DHX34: variants seen among roughly 807,000 people sequenced by gnomAD.
The protein encoded by DHX34 is DExH-box helicase 34.
Under a neutral mutation model 111.1 loss-of-function variants are expected in DHX34, and 96 were observed. The ratio of observed to expected loss-of-function variants is 0.86; its 90% CI spans 0.73 to 1.02. The LOEUF is 1.02. Ranked by LOEUF, DHX34 falls within the 50% of genes least tolerant of loss-of-function variation. DHX34 has a pLI of 0.00. For missense variants in DHX34, 1,560 were observed against 1,579.9 expected (o/e 0.99, Z 0.21); for synonymous variants, 688 against 670.4 (o/e 1.03, Z -0.41).
rs367724640 is a variant in DHX34, at chr19:47,377,249, G to A, written c.2706+43G>A. The A allele has an allele frequency of 3.2e-6, 5 of 1,579,244 alleles. No homozygotes were observed. In the Admixed American group the frequency reaches 7.2e-5, roughly 23 times the overall value. On this transcript the variant is annotated intron_variant, in intron 13 of 16. Coordinates refer to ENST00000328771, the MANE Select transcript of DHX34 (RefSeq NM_014681.6). ...CCCGCCCCCATGCCCAGATATGAGA[G>A]CTGCGTTGCCCAGGGTGGTGGGTGG...
chr19:47,376,533 G>C lies in DHX34; in HGVS notation c.2572G>C (p.Glu858Gln), dbSNP rs779976532. The C allele has an allele frequency of 3.8e-6, 6 of 1,578,066 alleles. No individual in the cohort carries two copies. In the South Asian group the frequency reaches 6.9e-5, roughly 18 times the overall value. ...CGAGGTGCTGCACGCACAGGAGCTG[G>C]AGGCCAGCAACTGCGACGGAAGCCG... ...SPEVLHAQEL[E>Q]ASNCDGSRDD... The change falls in exon 12 of 17, where the codon GAG (glutamate) becomes CAG (glutamine). Residue 858 changes from glutamate to glutamine, a missense_variant. By Grantham distance (29) the Glu-to-Gln change is conservative. Transcript: ENST00000328771.
At chr19:47,360,595 C>T (rs951346640) in intron 5 of DHX34, among the ~76,000 whole-genome samples, 1 of 152,142 alleles carries the variant, frequency 6.6e-6, no homozygotes, top group Non-Finnish European at 1.5e-5. Context: ...GAGGCCCATA[C>T]TGTCCACTCT....
In DHX34 at chr19:47,380,876, C is replaced by T. The variant is rs1970330982; in HGVS notation, c.3043C>T (p.Gln1015Ter). ...AGTCCAGAACATGTATGTGGGACCCCAGACCATCCCAGCCACCCCCCATCT... is the reference window on the plus strand; with the variant it reads ...AGTCCAGAACATGTATGTGGGACCCTAGACCATCCCAGCCACCCCCCATCT... ...LEVQNMYVGP[Q>*]TIPATPHLPG... Residue 1015 changes from glutamine (Q) to a stop codon, truncating the protein, a stop_gained, in exon 15 of 17, where the codon CAG (glutamine) becomes TAG (stop). Transcript: ENST00000328771. LOFTEE classifies it high-confidence loss of function. 10 of 1,613,838 alleles carry T rather than the reference C, an allele frequency of 6.2e-6. No homozygotes were observed. Among genetic ancestry groups the T allele is most frequent in the African/African-American group, 1.3e-5 (1 of 74,880 alleles).
At position 47,358,039 on chromosome 19, in the gene DHX34, T is replaced by G; in HGVS notation, c.1191T>G (p.Ala397=). 6.2e-7 allele frequency: 1 copy of G among 1,613,220 alleles called. No homozygotes were observed. Among genetic ancestry groups the G allele is most frequent in the Non-Finnish European group, 8.5e-7 (1 of 1,179,992 alleles). The part of the protein sequence containing the change: ...GMAEISAVLE[A]AQTYASHTQR... The stretch of plus-strand genomic sequence containing the variant: ...CGGAGATCAGCGCCGTGCTGGAGGC[T>G]GCCCAGACCTATGCCAGCCACACCC... Residue 397 remains alanine (A), a synonymous_variant, in exon 4 of 17, where the codon GCT becomes GCG. Transcript: ENST00000328771.
In DHX34 at chr19:47,357,766, G is replaced by A. The variant is rs185598772; in HGVS notation, c.1018-100G>A. 142 of 1,483,348 alleles carry A rather than the reference G, an allele frequency of 9.6e-5. No individual in the cohort carries two copies. The East Asian group carries it at 1.1e-3, about 11-fold the overall frequency. The allele number at this position is 1,483,348 out of a possible 1,614,324, so 91.9% of individuals were successfully genotyped here. On this transcript the variant is annotated intron_variant, in intron 3 of 16. Transcript: ENST00000328771. ...GGACCCGTTGCACTGTGTCTTCTCC[G>A]TTAGCCTGTGGTCTCCCCCGTCAGC...
chr19:47,364,230 C>T (rs1969721396), intron 6 of DHX34, among the ~76,000 whole-genome samples: 1 of 152,118 alleles, frequency 6.6e-6, no homozygotes, highest in African/African-American at 2.4e-5. Context: ...GCACTCACCA[C>T]TCCTGGTCAG....
At chr19:47,363,645 A>G (rs913187765) in intron 6 of DHX34, among the ~76,000 whole-genome samples, 2 of 151,876 alleles carry the variant, frequency 1.3e-5, no homozygotes, top group Non-Finnish European at 2.9e-5. Flanking sequence ...TGGTGAAACC[A>G]GTCTCTATTA....
intron 3 of DHX34, among the ~76,000 whole-genome samples, chr19:47,356,707 A>C (rs1165869260): frequency 6.6e-6 from 1 of 151,734 alleles, no homozygotes; most frequent in Admixed American, 6.6e-5. Flanking sequence ...TAATCCCAGC[A>C]CTTTAGGAGG....
At chr19:47,375,251 G>T in intron 9 of DHX34, 1 of 982,324 alleles carries the variant, frequency 1.0e-6, no homozygotes, top group Non-Finnish European at 1.2e-6. Flanking sequence ...GCCCGCACCT[G>T]CCTCCTCTTG....
At chr19:47,355,013 C>T (rs1568394053) in intron 2 of DHX34, 26 bp from the exon 3 acceptor site, 1 of 1,610,666 alleles carries the variant, frequency 6.2e-7, no homozygotes, top group Non-Finnish European at 8.5e-7. Context: ...GGGTCCTCTC[C>T]TGATCCTTTC....
At chr19:47,381,817 C>A (rs1039873603) in intron 16 of DHX34, 163 bp from the exon 17 acceptor site, 1 of 966,160 alleles carries the variant, frequency 1.0e-6, no homozygotes, top group African/African-American at 1.8e-5. Context: ...AAAGACAGAC[C>A]TGTGTATTTT....
rs1395864638 is a variant in DHX34, at chr19:47,380,950, G to A, written c.3117G>A (p.Gly1039=). 5.6e-6 allele frequency: 9 copies of A among 1,600,008 alleles called. No homozygotes were observed. The highest frequency in any genetic ancestry group is 6.8e-6 in the Non-Finnish European group (8 of 1,173,960). ...SSTLSPHPTK[G]GYAVTDFLTY... is the part of the protein sequence containing the mutation. ...CCCTGTCCCCCCACCCCACAAAGGG[G>A]GGCTACGCAGTCACTGACTTCCTCA... Residue 1039 remains glycine, a synonymous_variant, in exon 15 of 17, where the codon GGG becomes GGA. Coordinates refer to ENST00000328771, the MANE Select transcript of DHX34 (RefSeq NM_014681.6).
rs1270480902 is a variant in DHX34 at position 47,379,809 on chromosome 19, G to A, written c.2806G>A (p.Ala936Thr). The change falls in exon 14 of 17, where the codon GCC becomes ACC. Residue 936 changes from alanine to threonine, a missense_variant. Transcript: ENST00000328771. ...LELQLADSES[A>T]IRLLAASLRL... Reference sequence around the variant, plus strand: ...GCTGCAGCTAGCAGACAGTGAAAGTGCCATCCGACTCCTGGCGGCTTCCCT... The same window carrying A: ...GCTGCAGCTAGCAGACAGTGAAAGTACCATCCGACTCCTGGCGGCTTCCCT... 6.2e-7 allele frequency: 1 copy of A among 1,613,702 alleles called. No individual in the cohort carries two copies. Among genetic ancestry groups the A allele is most frequent in the Non-Finnish European group, 8.5e-7 (1 of 1,179,830 alleles).
intron 7 of DHX34, among the ~76,000 whole-genome samples, 200 bp downstream of exon 7, chr19:47,367,355 A>G (rs1412981288): frequency 6.6e-6 from 1 of 152,144 alleles, no homozygotes; most frequent in Non-Finnish European, 1.5e-5. Context: ...GGCCTCAGGG[A>G]GCTGACATTT....
chr19:47,356,685 G>C (rs1031647869), intron 3 of DHX34, among the ~76,000 whole-genome samples: 2 of 151,848 alleles, frequency 1.3e-5, no homozygotes, highest in Non-Finnish European at 1.5e-5. Flanking sequence ...CGAGTGTGGT[G>C]GCTCATGCCT....
rs372083981 is a variant in DHX34 at position 47,353,139 on chromosome 19, C to T, written c.109C>T (p.Arg37Cys). Reference sequence around the variant, plus strand: ...GGACTGGAATTGTCCAGAGACGCGTCGCCTCTTGGAAGATGCCTTCTTCCG... The same window carrying T: ...GGACTGGAATTGTCCAGAGACGCGTTGCCTCTTGGAAGATGCCTTCTTCCG... ...KWDWNCPETR[R>C]LLEDAFFREE... The change falls in exon 2 of 17, where the codon CGC (arginine) becomes TGC (cysteine). Residue 37 changes from arginine to cysteine, a missense_variant. Coordinates refer to ENST00000328771, the MANE Select transcript of DHX34 (RefSeq NM_014681.6). The surrounding 1 kb of genome is among the most constrained non-coding windows in gnomAD (Gnocchi z 4.6). 27 of 1,614,126 alleles carry T rather than the reference C, an allele frequency of 1.7e-5. No individual in the cohort carries two copies. The East Asian group carries it at 1.8e-4, about 11-fold the overall frequency.
chr19:47,350,281 T>C (rs910177053), intron 1 of DHX34, among the ~76,000 whole-genome samples: 1 of 152,122 alleles, frequency 6.6e-6, no homozygotes, highest in Non-Finnish European at 1.5e-5. Context: ...CTCACTCCTG[T>C]CATCCACAGC....
chr19:47,373,002 G>T, intron 8 of DHX34, 79 bp downstream of exon 8: 2 of 1,461,460 alleles, frequency 1.4e-6, no homozygotes, highest in Non-Finnish European at 9.0e-7. Flanking sequence ...TCCTCCTCGT[G>T]TCCCACCCTC....
rs1281230076 is a variant in DHX34, at chr19:47,372,789, G to T, written c.1828G>T (p.Ala610Ser). 1 of 1,612,564 alleles carries T rather than the reference G, an allele frequency of 6.2e-7. No homozygotes were observed. The change falls in exon 8 of 17, where the codon GCC becomes TCC. Residue 610 changes from alanine to serine, a missense_variant. Transcript: ENST00000328771. Reference protein sequence around the residue: ...SLVEPVLTIAAALSVQSPFTR... With the variant: ...SLVEPVLTIASALSVQSPFTR... ...GGTGGAGCCTGTGCTCACCATCGCA[G>T]CCGCACTTAGCGTCCAGTCGCCCTT...
Sources: gnomAD v4.1 joint callset for allele counts (sites outside exome capture counted in the v4.1 genomes callset) on GRCh38, gnomAD v4.1.1 for gene constraint, Gnocchi (gnomAD v3.1) non-coding constraint, MANE v1.5 for transcripts, NCBI Gene and HGNC (gene_info 2026-07-23, HGNC 2026-07-21) for gene names.